The following FHDC1 variants were observed in gnomAD, a reference collection of about 807,000 sequenced individuals.
FHDC1 encodes FH2 domain containing 1.
In FHDC1, 25 loss-of-function variants were observed where a neutral mutation model predicts 52.6. The observed-to-expected ratio is 0.48, with a 90% CI of 0.35 to 0.66. FHDC1 has a LOEUF of 0.66. Among genes scored for constraint, FHDC1 ranks in the 30% least tolerant of loss-of-function variants. The probability of loss-of-function intolerance (pLI) is 0.01; values close to 1 mark genes in which losing one functional copy is unlikely to be tolerated. For missense variants in FHDC1, 1,459 were observed against 1,452.8 expected, an observed-to-expected ratio of 1.00 and a Z score of -0.07; for synonymous variants, 616 against 581.5, an observed-to-expected ratio of 1.06 and a Z score of -0.85.
At chr4:152,930,517 C>G in the FHDC1 span, among the ~76,000 whole-genome samples, 1 of 152,092 alleles carries the variant, frequency 6.6e-6, no homozygotes, top group South Asian at 2.1e-4. Flanking sequence ...CCCAAAAGAC[C>G]CCCCTTCAAT....
At chr4:152,973,229 T>C (rs868575) in intron 11 of FHDC1, among the ~76,000 whole-genome samples, 10,883 of 152,198 alleles carry the variant, frequency 0.072, 1,093 homozygotes, top group African/African-American at 0.23. Context: ...GCCACTCACA[T>C]CCCTTCATTT....
At chr4:152,954,394 C>T (rs1740020389) in intron 4 of FHDC1, 75 bp downstream of exon 4, 10 of 1,283,472 alleles carry the variant, frequency 7.8e-6, no homozygotes, top group Non-Finnish European at 1.1e-5. Context: ...TGTGTCAAAG[C>T]TCACATGGAA....
Position 152,960,643 on chromosome 4 carries a change from G to A in FHDC1, c.742G>A (p.Val248Met). Residue 248 changes from valine to methionine, a missense_variant, in exon 5 of 12, where the codon GTG (valine) becomes ATG (methionine). Physicochemically the swap from Val to Met is conservative, Grantham distance 21 (BLOSUM62 1). Transcript: ENST00000511601. ...TTCCTTTCTGTATGGCTTAATTCAG[G>A]TGCCAAAGTAAGGATACAGTCGCTG... ...ADSFLYGLIQ[V>M]PNYSLRIEAM... is the part of the protein sequence containing the mutation. 3.7e-6 allele frequency: 6 copies of A among 1,614,070 alleles called. No individual in the cohort carries two copies. The highest frequency in any genetic ancestry group is 5.1e-6 in the Non-Finnish European group (6 of 1,179,990).
Position 152,975,760 on chromosome 4 carries a change from C to A in FHDC1, c.2469C>A (p.Asn823Lys). Reference protein sequence around the residue: ...GEMGDSQVSSNPTSSPPGEAP... With the variant: ...GEMGDSQVSSKPTSSPPGEAP... ...TGGGGGACAGCCAAGTCTCCTCCAACCCTACATCCAGCCCCCCTGGGGAGG... is the reference window on the plus strand; with the variant it reads ...TGGGGGACAGCCAAGTCTCCTCCAAACCTACATCCAGCCCCCCTGGGGAGG... Residue 823 changes from asparagine to lysine, a missense_variant, in exon 12 of 12, where the codon AAC becomes AAA. Physicochemically the swap from Asn to Lys is moderately conservative, Grantham distance 94. This residue lies in a region of FHDC1 where 939 missense variants were observed against 854.5 expected (regional missense o/e 1.10). Transcript: ENST00000511601. 1 of 1,570,846 alleles carries A rather than the reference C, an allele frequency of 6.4e-7. No individual in the cohort carries two copies. Among genetic ancestry groups the A allele is most frequent in the South Asian group, 1.2e-5 (1 of 83,856 alleles).
chr4:152,974,447 C>G (rs1045995773), intron 11 of FHDC1, among the ~76,000 whole-genome samples: 1 of 152,130 alleles, frequency 6.6e-6, no homozygotes, highest in Non-Finnish European at 1.5e-5. Flanking sequence ...CCCTTCTGCT[C>G]AGATCCCTAG....
chr4:152,957,856 G>A (rs915225665), intron 4 of FHDC1, among the ~76,000 whole-genome samples: 1 of 152,154 alleles, frequency 6.6e-6, no homozygotes, highest in Non-Finnish European at 1.5e-5. Context: ...GGAAGAAGGT[G>A]GGCCCAGAAA....
At chr4:152,911,832 T>C in the FHDC1 span, 3 of 152,624 alleles carry the variant, frequency 2.0e-5, no homozygotes, top group African/African-American at 7.2e-5. Flanking sequence ...AATTACTACT[T>C]GTGATAGTTC....
intron 4 of FHDC1, among the ~76,000 whole-genome samples, chr4:152,954,802 A>G (rs1740034425): frequency 1.3e-5 from 2 of 152,230 alleles, no homozygotes; most frequent in African/African-American, 2.4e-5. Context: ...TAGAAAAAGC[A>G]TGGATTATGG....
the FHDC1 span, among the ~76,000 whole-genome samples, chr4:152,914,059 T>C: frequency 6.6e-6 from 1 of 152,190 alleles, no homozygotes; most frequent in Non-Finnish European, 1.5e-5. Flanking sequence ...ATTTTTACAT[T>C]AGCTAAGACT....
intron 9 of FHDC1, among the ~76,000 whole-genome samples, chr4:152,965,568 A>G (rs1345259602): frequency 2.0e-5 from 3 of 152,184 alleles, no homozygotes; most frequent in African/African-American, 4.8e-5. Flanking sequence ...GTGTGTATAT[A>G]CTATTTTGAC....
Position 152,954,215 on chromosome 4 carries a change from A to T in FHDC1, c.561-2A>T, listed in dbSNP as rs779267650. The stretch of plus-strand genomic sequence containing the variant: ...TGGAATGTGATTCATTGTCTTTTCA[A>T]GGTCTCCTCGGTCCATTGTAGAAGA... On this transcript the variant is annotated splice_acceptor_variant, in intron 3 of 11. Coordinates refer to ENST00000511601, the MANE Select transcript of FHDC1 (RefSeq NM_001371116.1). LOFTEE classifies it high-confidence loss of function. 9 of 1,611,976 alleles carry T rather than the reference A, an allele frequency of 5.6e-6. No individual in the cohort carries two copies. The highest frequency in any genetic ancestry group is 7.6e-6 in the Non-Finnish European group (9 of 1,178,252).
In FHDC1 at chr4:152,975,801, C is replaced by G. The variant is rs1561217040; in HGVS notation, c.2510C>G (p.Ser837Cys). 1.3e-6 allele frequency: 2 copies of G among 1,531,144 alleles called. No individual in the cohort carries two copies. Among genetic ancestry groups the G allele is most frequent in the South Asian group, 2.6e-5 (2 of 77,284 alleles). The allele number at this position is 1,531,144 out of a possible 1,614,324, so 94.8% of individuals were successfully genotyped here. The change falls in exon 12 of 12, where the codon TCT (serine) becomes TGT (cysteine). Residue 837 changes from serine to cysteine, a missense_variant. Physicochemically the swap from Ser to Cys is moderately radical, Grantham distance 112. Coordinates refer to ENST00000511601, the MANE Select transcript of FHDC1 (RefSeq NM_001371116.1). ...CCTGGGGAGGCTCCTGCCCCCGTCT[C>G]TGTGGATAGTGAGCCCAGCTGCAAG... The part of the protein sequence containing the change: ...SPPGEAPAPV[S>C]VDSEPSCKGG...
At chr4:152,936,143 C>T (rs1739364017), upstream of FHDC1, among the ~76,000 whole-genome samples, 1 of 151,928 alleles carries the variant, frequency 6.6e-6, no homozygotes, top group Non-Finnish European at 1.5e-5. Flanking sequence ...AAGGTGAGCG[C>T]GTGGCGGTGA....
rs143448808 is a variant in FHDC1 at position 152,960,600 on chromosome 4, G to A, written c.699G>A (p.Ser233=). ...TAAAAGCGTTTAGTGGCGACGTGTCGAAGCTGTCTCTGGCAGATTCCTTTC... is the reference window on the plus strand; with the variant it reads ...TAAAAGCGTTTAGTGGCGACGTGTCAAAGCTGTCTCTGGCAGATTCCTTTC... ...KKLKAFSGDV[S]KLSLADSFLY... The change falls in exon 5 of 12, where the codon TCG becomes TCA. Residue 233 remains serine (S), a synonymous_variant. Transcript: ENST00000511601. The A allele has an allele frequency of 2.3e-4, 366 of 1,614,114 alleles. 3 individuals carry two copies. Among genetic ancestry groups the A allele is most frequent in the South Asian group, 9.8e-4 (89 of 91,084 alleles).
upstream of FHDC1, among the ~76,000 whole-genome samples, chr4:152,932,038 ATTAC>A (rs1739263118): frequency 6.6e-6 from 1 of 151,460 alleles, no homozygotes; most frequent in South Asian, 2.1e-4. Context: ...GAGCCTAGTC[ATTAC>A]TTACAGTATT....
the FHDC1 span, chr4:152,927,928 C>T: frequency 6.9e-7 from 1 of 1,447,616 alleles, no homozygotes; most frequent in Non-Finnish European, 9.7e-7. Flanking sequence ...AGCGTAAGAG[C>T]TCAGAGAGTG....
chr4:152,939,814 C>T (rs1739525990), intron 1 of FHDC1, among the ~76,000 whole-genome samples: 1 of 152,162 alleles, frequency 6.6e-6, no homozygotes, highest in Admixed American at 6.5e-5. Context: ...CATCCTGTTG[C>T]TGAGGTTTCC....
the FHDC1 span, among the ~76,000 whole-genome samples, chr4:152,916,539 GTCTTTT>G: frequency 6.6e-6 from 1 of 150,478 alleles, no homozygotes; most frequent in East Asian, 2.0e-4. Flanking sequence ...CATAGTACTA[GTCTTTT>G]TCTTTTTAAA....
At chr4:152,968,518 G>A (rs1362037852) in intron 10 of FHDC1, among the ~76,000 whole-genome samples, 6 of 152,022 alleles carry the variant, frequency 3.9e-5, no homozygotes, top group South Asian at 4.2e-4. Flanking sequence ...CAGTAGAGAC[G>A]CGGTTTTGCC....
Sources: allele counts gnomAD v4.1 joint callset (sites outside exome capture counted in the v4.1 genomes callset), GRCh38; gene constraint gnomAD v4.1.1; regional missense constraint gnomAD v4.1.1; transcripts MANE v1.5; gene names NCBI Gene and HGNC (gene_info 2026-07-23, HGNC 2026-07-21).